Variants in BBX observed in about 807,000 individuals in gnomAD.
The protein encoded by BBX is HMG box transcription factor BBX.
In BBX, 30 loss-of-function variants were observed where a neutral mutation model predicts 100.2. The ratio of observed to expected loss-of-function variants is 0.30; its 90% CI spans 0.22 to 0.41. The LOEUF is 0.41. BBX is among the 10% of genes least tolerant of loss of function. The probability of loss-of-function intolerance (pLI) is 1.00; values close to 1 mark genes in which losing one functional copy is unlikely to be tolerated. For synonymous variants in BBX, 376 were observed against 388.1 expected (o/e 0.97, Z 0.37); for missense variants, 1,023 against 1,129.8 (o/e 0.91, Z 1.35).
intron 2 of BBX, among the ~76,000 whole-genome samples, chr3:107,528,827 T>A (rs2047955055): frequency 6.6e-6 from 1 of 152,224 alleles, no homozygotes; most frequent in African/African-American, 2.4e-5. Context: ...AAAGCCACAC[T>A]TTTCAGTAAA....
intron 2 of BBX, among the ~76,000 whole-genome samples, chr3:107,561,092 G>A (rs1303016984): frequency 6.6e-6 from 1 of 152,146 alleles, no homozygotes; most frequent in Non-Finnish European, 1.5e-5. Flanking sequence ...ATTGATAAAT[G>A]TCTCCTGGGG....
At chr3:107,602,334 A>C (rs1478031949) in intron 2 of BBX, among the ~76,000 whole-genome samples, 1 of 152,204 alleles carries the variant, frequency 6.6e-6, no homozygotes, top group Admixed American at 6.5e-5. Context: ...TGCTATAAAT[A>C]GTGATTATAG....
chr3:107,598,724 T>TA (rs1440641925), intron 2 of BBX, among the ~76,000 whole-genome samples: 9 of 152,186 alleles, frequency 5.9e-5, no homozygotes, highest in Non-Finnish European at 1.2e-4. Context: ...CTCCCAGTAT[T>TA]ATAACCTTTG....
intron 5 of BBX, among the ~76,000 whole-genome samples, chr3:107,722,176 ATTG>A (rs913938989): frequency 3.3e-5 from 5 of 152,036 alleles, no homozygotes; most frequent in Non-Finnish European, 7.4e-5. Flanking sequence ...CCATTTGCCA[ATTG>A]TTAAGTAAAC....
At chr3:107,535,515 A>G (rs1243601600) in intron 2 of BBX, among the ~76,000 whole-genome samples, 1 of 151,716 alleles carries the variant, frequency 6.6e-6, no homozygotes, top group Non-Finnish European at 1.5e-5. Context: ...CCTCTGGTAT[A>G]TCAGTAGAAA....
chr3:107,591,518 C>T (rs1303975166), intron 2 of BBX, among the ~76,000 whole-genome samples: 2 of 152,162 alleles, frequency 1.3e-5, no homozygotes, highest in African/African-American at 4.8e-5. Context: ...AGACACTTCT[C>T]ACTCTGTGAC....
At chr3:107,612,082 A>G (rs1006812050) in intron 2 of BBX, among the ~76,000 whole-genome samples, 4 of 151,698 alleles carry the variant, frequency 2.6e-5, no homozygotes, top group African/African-American at 9.7e-5. Context: ...AATTATTTCA[A>G]TCTCTTTATT....
At position 107,809,051 on chromosome 3, in the gene BBX, G is replaced by C. The variant is rs2071187550; in HGVS notation, c.*3594G>C. ...TCAAATCCTTTTGTTTTCTTATTAA[G>C]TCAGATGCTACTGTAAGTCAGATAA... On this transcript the variant is annotated 3_prime_UTR_variant, in exon 18 of 18. Transcript: ENST00000325805. The C allele has an allele frequency of 6.6e-6, 1 of 152,204 alleles. No homozygotes were observed. Among genetic ancestry groups the C allele is most frequent in the African/African-American group, 2.4e-5 (1 of 41,452 alleles). The allele number at this position is 152,204 out of a possible 1,614,324, so 9.4% of individuals were successfully genotyped here.
At chr3:107,622,034 T>A (rs904787592) in intron 2 of BBX, among the ~76,000 whole-genome samples, 3 of 152,218 alleles carry the variant, frequency 2.0e-5, no homozygotes, top group African/African-American at 7.2e-5. Context: ...AGTTCTTTGT[T>A]AAAATTTAGA....
chr3:107,528,484 A>G (rs1461974369), intron 2 of BBX, among the ~76,000 whole-genome samples: 2 of 152,206 alleles, frequency 1.3e-5, no homozygotes, highest in Non-Finnish European at 2.9e-5. Context: ...TGAAACATTA[A>G]GAAAATGTAT....
intron 3 of BBX, among the ~76,000 whole-genome samples, chr3:107,682,905 A>C (rs908875139): frequency 6.6e-6 from 1 of 152,200 alleles, no homozygotes. Flanking sequence ...ATACCTCAGA[A>C]GCCTGATACT....
At chr3:107,782,446 G>A (rs2067990746) in intron 13 of BBX, among the ~76,000 whole-genome samples, 1 of 151,738 alleles carries the variant, frequency 6.6e-6, no homozygotes, top group African/African-American at 2.4e-5. Context: ...ATAGAACCTG[G>A]GCAAAAGCCA....
At chr3:107,619,051 CTA>C (rs1041499186) in intron 2 of BBX, among the ~76,000 whole-genome samples, 6 of 151,928 alleles carry the variant, frequency 3.9e-5, no homozygotes, top group African/African-American at 1.4e-4. Flanking sequence ...AGTTTTTACT[CTA>C]TATATTTTGT....
chr3:107,669,529 A>G (rs2058920975), intron 3 of BBX, among the ~76,000 whole-genome samples: 3 of 152,156 alleles, frequency 2.0e-5, no homozygotes, highest in Admixed American at 2.0e-4. Flanking sequence ...AGTAGACCGT[A>G]AAGGGCCACT....
intron 8 of BBX, among the ~76,000 whole-genome samples, chr3:107,747,466 A>G (rs904578417): frequency 1.3e-5 from 2 of 152,172 alleles, no homozygotes; most frequent in Non-Finnish European, 2.9e-5. Context: ...GGCCAAGGTC[A>G]TGTTGTGGGT....
rs1182759018 is a variant in BBX, at chr3:107,772,767, G to A, written c.1046G>A (p.Arg349Lys). 6.2e-6 allele frequency: 10 copies of A among 1,612,890 alleles called. No homozygotes were observed. In the African/African-American group the frequency reaches 8.0e-5, roughly 13 times the overall value. Residue 349 changes from arginine (R) to lysine (K), a missense_variant, in exon 11 of 18, where the codon AGG becomes AAG. Arg to Lys is a conservative substitution (Grantham distance 26). Transcript: ENST00000325805. ...AAAATGGAGAAAACAGATGAAACTAGGTTACAGAAGGAAGCAGAATTTGAA... is the reference window on the plus strand; with the variant it reads ...AAAATGGAGAAAACAGATGAAACTAAGTTACAGAAGGAAGCAGAATTTGAA... ...EIKMEKTDET[R>K]LQKEAEFEKS...
chr3:107,759,629 C>A (rs1168310158), intron 10 of BBX, among the ~76,000 whole-genome samples: 1 of 152,134 alleles, frequency 6.6e-6, no homozygotes, highest in Non-Finnish European at 1.5e-5. Context: ...ACAAGTAGAG[C>A]AACTTGTTCA....
chr3:107,744,775 A>AT (rs199730916), intron 8 of BBX, 65 bp downstream of exon 8: 14,182 of 1,298,398 alleles, frequency 0.011, 118 homozygotes, highest in Non-Finnish European at 0.014. Flanking sequence ...ATTGGGGCTG[A>AT]TAACAGTAAC....
In BBX at chr3:107,811,029, T is replaced by C. The variant is rs2071264121; in HGVS notation, c.*5572T>C. On this transcript the variant is annotated 3_prime_UTR_variant, in exon 18 of 18. Coordinates refer to ENST00000325805, the MANE Select transcript of BBX (RefSeq NM_001142568.3). ...CAGAATTATTGCTTTCTTAGATGTA[T>C]GTGTAGTAAAAGTCAATATACACAT... 1 of 152,224 alleles carries C rather than the reference T, an allele frequency of 6.6e-6. No individual in the cohort carries two copies. Among genetic ancestry groups the C allele is most frequent in the Admixed American group, 6.5e-5 (1 of 15,282 alleles). The allele number at this position is 152,224 out of a possible 1,614,324, so 9.4% of individuals were successfully genotyped here. A position where few individuals can be genotyped will look rare whatever the true frequency, so the allele number is the denominator to read the frequency against.
Sources: gnomAD v4.1 joint callset for allele counts (sites outside exome capture counted in the v4.1 genomes callset) on GRCh38, gnomAD v4.1.1 for gene constraint, MANE v1.5 for transcripts, NCBI Gene and HGNC (gene_info 2026-07-23, HGNC 2026-07-21) for gene names.